USP49: variants seen among roughly 807,000 people sequenced by gnomAD.
The protein encoded by USP49 is ubiquitin carboxyl-terminal hydrolase 49.
USP49 carries 24 observed loss-of-function variants against 58.6 expected under a neutral mutation model. The ratio of observed to expected loss-of-function variants is 0.41; its 90% confidence interval spans 0.30 to 0.58. USP49 has a LOEUF of 0.58. USP49 is among the 20% of genes least tolerant of loss of function. USP49 has a pLI of 0.30. For missense variants in USP49, 703 were observed against 866.1 expected, an observed-to-expected ratio of 0.81 and a Z score of 2.36; for synonymous variants, 408 against 365.1, an observed-to-expected ratio of 1.12 and a Z score of -1.34.
rs1374829751 is a variant in USP49, at chr6:41,816,985, C to CA, written c.-28-9975dup. 9.9e-5 allele frequency among the ~76,000 whole-genome samples: 15 copies of CA among 151,836 alleles called. No individual in the cohort carries two copies. The East Asian group carries it at 2.7e-3, about 27-fold the overall frequency. ...CCTCCCAAAGTGTTGTGATTACAGG[C>CA]ATGAGCCACTGCACCTGGCTATTAT... On this transcript the variant is annotated intron_variant, in intron 3 of 7. Transcript: ENST00000682992.
intron 3 of USP49, among the ~76,000 whole-genome samples, chr6:41,810,738 G>A (rs914268918): frequency 6.6e-6 from 1 of 151,346 alleles, no homozygotes; most frequent in Non-Finnish European, 1.5e-5. Context: ...GTAGATATGG[G>A]GTTTCACCAT....
chr6:41,866,352 A>G (rs1191651316), intron 3 of USP49, among the ~76,000 whole-genome samples: 1 of 152,202 alleles, frequency 6.6e-6, no homozygotes, highest in Non-Finnish European at 1.5e-5. Flanking sequence ...TCTAAGGCAA[A>G]GCACTCAAAG....
rs1388691203 is a variant in USP49, at chr6:41,789,961, A to G, written c.*6572T>C. On this transcript the variant is annotated 3_prime_UTR_variant, in exon 8 of 8. Coordinates refer to ENST00000682992, the MANE Select transcript of USP49 (RefSeq NM_001286554.2). Reference sequence around the variant, plus strand: ...ACAAGGTGTAAAAAGATTTACAAAAATCATAAAAACATGATTTATATTTCA... The same window carrying G: ...ACAAGGTGTAAAAAGATTTACAAAAGTCATAAAAACATGATTTATATTTCA... The G allele has an allele frequency of 6.6e-6, 1 of 152,236 alleles. No homozygotes were observed. Among genetic ancestry groups the G allele is most frequent in the African/African-American group, 2.4e-5 (1 of 41,448 alleles). The allele number at this position is 152,236 out of a possible 1,614,324, so 9.4% of individuals were successfully genotyped here.
chr6:41,803,704 T>C lies in USP49; in HGVS notation c.1561+102A>G. ...TAAAAGATGCTTTAGAACCATTCAA[T>C]ATCATTAGTGTTACTTTTGACTAAA... On this transcript the variant is annotated intron_variant, in intron 5 of 7. Coordinates refer to ENST00000682992, the MANE Select transcript of USP49 (RefSeq NM_001286554.2). The surrounding 1 kb of genome is among the most constrained non-coding windows in gnomAD (Gnocchi z 4.1). The C allele has an allele frequency of 1.6e-6, 2 of 1,244,966 alleles. No homozygotes were observed. The highest frequency in any genetic ancestry group is 2.3e-6 in the Non-Finnish European group (2 of 871,120). The allele number at this position is 1,244,966 out of a possible 1,614,324, so 77.1% of individuals were successfully genotyped here. A position where few individuals can be genotyped will look rare whatever the true frequency, so the allele number is the denominator to read the frequency against.
chr6:41,859,442 G>C (rs539371254), intron 3 of USP49, among the ~76,000 whole-genome samples: 1 of 152,208 alleles, frequency 6.6e-6, no homozygotes, highest in African/African-American at 2.4e-5. Context: ...TACCCTCCAA[G>C]GCTGGGTTAA....
chr6:41,826,676 T>C (rs949576867), intron 3 of USP49, among the ~76,000 whole-genome samples: 5 of 152,044 alleles, frequency 3.3e-5, no homozygotes, highest in Admixed American at 2.0e-4. Flanking sequence ...GACACAATAA[T>C]CCATCTGCTA....
intron 3 of USP49, among the ~76,000 whole-genome samples, chr6:41,848,421 C>T (rs1239609759): frequency 6.6e-6 from 1 of 152,102 alleles, no homozygotes; most frequent in Non-Finnish European, 1.5e-5. Flanking sequence ...GGCTACAGTG[C>T]AGTGGCACTA....
At chr6:41,864,291 A>T (rs985894670) in intron 3 of USP49, among the ~76,000 whole-genome samples, 3 of 152,152 alleles carry the variant, frequency 2.0e-5, no homozygotes, top group Non-Finnish European at 2.9e-5. Context: ...GGCTGGGTGC[A>T]GTGGCTCATG....
rs1054508549 is a variant in USP49 at position 41,802,067 on chromosome 6, T to A, written c.1561+1739A>T. ...TATTACTCTAATGAAACAATTTGAT[T>A]CACCTGACTCTGTATCTCAAAATGG... On this transcript the variant is annotated intron_variant, in intron 5 of 7. Transcript: ENST00000682992. Among the ~76,000 whole-genome samples, 19 of 152,240 alleles carry A rather than the reference T, an allele frequency of 1.2e-4. 1 individual carries two copies. The highest frequency in any genetic ancestry group is 1.0e-3 in the Admixed American group (16 of 15,292).
Position 41,807,007 on chromosome 6 carries a change from T to C in USP49, c.-24A>G, listed in dbSNP as rs759270063. 9.8e-6 allele frequency: 14 copies of C among 1,430,634 alleles called. No homozygotes were observed. Among genetic ancestry groups the C allele is most frequent in the Non-Finnish European group, 1.3e-5 (14 of 1,080,664 alleles). The allele number at this position is 1,430,634 out of a possible 1,614,324, so 88.6% of individuals were successfully genotyped here. Reference sequence around the variant, plus strand: ...ATGTCTTATAGAAGTCGCCACTTTCTCAACCTGGCACGACAGAGTCCCCAA... The same window carrying C: ...ATGTCTTATAGAAGTCGCCACTTTCCCAACCTGGCACGACAGAGTCCCCAA... On this transcript the variant is annotated 5_prime_UTR_variant, in exon 4 of 8. The change abolishes the stop of an existing upstream ORF in the 5' untranslated region. Coordinates refer to ENST00000682992, the MANE Select transcript of USP49 (RefSeq NM_001286554.2).
At chr6:41,807,533 C>T (rs1291785168) in intron 3 of USP49, among the ~76,000 whole-genome samples, 4 of 152,244 alleles carry the variant, frequency 2.6e-5, no homozygotes, top group African/African-American at 4.8e-5. Context: ...CTCCACCTCC[C>T]GGGCTCAAGC....
chr6:41,887,166 AC>A (rs1774726821), intron 2 of USP49: 1 of 152,234 alleles, frequency 6.6e-6, no homozygotes. Flanking sequence ...GCTATAAATT[AC>A]CTTTTGGCCA....
chr6:41,868,203 C>T (rs1280637704), intron 3 of USP49, among the ~76,000 whole-genome samples: 3 of 152,210 alleles, frequency 2.0e-5, no homozygotes, highest in Non-Finnish European at 4.4e-5. Flanking sequence ...AAGACAGTAA[C>T]AGTATCTACC....
chr6:41,797,751 G>A (rs1235037328), intron 7 of USP49: 3 of 985,674 alleles, frequency 3.0e-6, no homozygotes, highest in East Asian at 1.1e-4. Context: ...AGGAAACTGG[G>A]GTGTGCAGAA....
At chr6:41,830,921 T>C (rs1006577113) in intron 3 of USP49, among the ~76,000 whole-genome samples, 3 of 152,074 alleles carry the variant, frequency 2.0e-5, no homozygotes, top group African/African-American at 7.2e-5. Flanking sequence ...GGCTGATTGA[T>C]AGGAACCTCC....
Position 41,806,279 on chromosome 6 carries a change from C to G in USP49, c.705G>C (p.Val235=). The part of the protein sequence containing the change: ...RPAALPTSRR[V]PAATLKLRRQ... ...GACGCAGCTTGAGTGTGGCGGCGGG[C>G]ACTCTGCGTGAGGTAGGGAGGGCGG... The change falls in exon 4 of 8, where the codon GTG becomes GTC. Residue 235 remains valine (V), a synonymous_variant. Coordinates refer to ENST00000682992, the MANE Select transcript of USP49 (RefSeq NM_001286554.2). The surrounding 1 kb of genome is among the most constrained non-coding windows in gnomAD (Gnocchi z 5.9). 1 of 1,602,978 alleles carries G rather than the reference C, an allele frequency of 6.2e-7. No homozygotes were observed. The highest frequency in any genetic ancestry group is 8.5e-7 in the Non-Finnish European group (1 of 1,179,072).
intron 3 of USP49, among the ~76,000 whole-genome samples, chr6:41,818,948 G>A (rs1773407092): frequency 1.3e-5 from 2 of 151,962 alleles, no homozygotes; most frequent in South Asian, 2.1e-4. Flanking sequence ...ACTACTTCCT[G>A]TGTGTCATTC....
rs1398350777 is a variant in USP49, at chr6:41,891,854, G to C, written c.-163C>G. 2 of 152,072 alleles carry C rather than the reference G, an allele frequency of 1.3e-5. No individual in the cohort carries two copies. The highest frequency in any genetic ancestry group is 4.8e-5 in the African/African-American group (2 of 41,396). The allele number at this position is 152,072 out of a possible 1,614,324, so 9.4% of individuals were successfully genotyped here. A position where few individuals can be genotyped will look rare whatever the true frequency, so the allele number is the denominator to read the frequency against. ...CAGGATAAACTAGAGGTCCTTTCAA[G>C]GTCTCTTCCCATCCAAAGAATCTAC... On this transcript the variant is annotated 5_prime_UTR_variant, in exon 2 of 8. Transcript: ENST00000682992.
intron 2 of USP49, 40 bp from the exon 3 acceptor site, chr6:41,871,677 T>C (rs1159284213): frequency 6.6e-6 from 1 of 152,058 alleles, no homozygotes; most frequent in Non-Finnish European, 1.5e-5. Context: ...GGCTAATACA[T>C]GGCAAGAAAA....
Sources: allele counts gnomAD v4.1 joint callset (sites outside exome capture counted in the v4.1 genomes callset), GRCh38; gene constraint gnomAD v4.1.1; non-coding constraint Gnocchi (gnomAD v3.1); transcripts MANE v1.5; gene names NCBI Gene and HGNC (gene_info 2026-07-23, HGNC 2026-07-21).